GAS7: variants seen among roughly 807,000 people sequenced by gnomAD.
The protein encoded by GAS7 is growth arrest-specific protein 7.
Under a neutral mutation model 71.1 loss-of-function variants are expected in GAS7, and 28 were observed. That is an observed-to-expected ratio of 0.39 (90% CI 0.29 to 0.54). The LOEUF is 0.54. Ranked by LOEUF, GAS7 falls within the 20% of genes least tolerant of loss-of-function variation. The pLI is 0.62. For missense variants in GAS7, 436 were observed against 627.8 expected (o/e 0.69, Z 3.27); for synonymous variants, 258 against 245.8 (o/e 1.05, Z -0.46).
chr17:10,168,736 G>T (rs993129839), intron 1 of GAS7, among the ~76,000 whole-genome samples: 3 of 152,190 alleles, frequency 2.0e-5, no homozygotes, highest in African/African-American at 7.2e-5. Flanking sequence ...ACTTTGGGAG[G>T]CTGAGGCGGG....
chr17:9,925,350 G>C, intron 11 of GAS7, 126 bp downstream of exon 11: 1 of 923,288 alleles, frequency 1.1e-6, no homozygotes. Context: ...GGCAAACAAG[G>C]GAAGTAATTT....
intron 1 of GAS7, among the ~76,000 whole-genome samples, chr17:10,171,074 G>C (rs1385952656): frequency 6.6e-6 from 1 of 152,184 alleles, no homozygotes; most frequent in Non-Finnish European, 1.5e-5. Context: ...AGCTTCACTT[G>C]AGCCGCAAAG....
chr17:9,930,872 A>C (rs1175212209), intron 9 of GAS7, among the ~76,000 whole-genome samples: 1 of 152,236 alleles, frequency 6.6e-6, no homozygotes, highest in African/African-American at 2.4e-5. Context: ...ACTGACCGAC[A>C]GGCTGGAAGC....
chr17:9,920,902 G>T (rs1391744314), intron 11 of GAS7, among the ~76,000 whole-genome samples: 8 of 152,180 alleles, frequency 5.3e-5, no homozygotes, highest in Admixed American at 5.2e-4. Flanking sequence ...TATCATCATT[G>T]TGGCTCATAG....
At position 9,919,743 on chromosome 17, in the gene GAS7, A is replaced by G; in HGVS notation, c.1139-38T>C. ...CACAGTCACCATCATGAAGCATCCTATCCTCACCATGACTCTGTGCCCCAC... is the reference window on the plus strand; with the variant it reads ...CACAGTCACCATCATGAAGCATCCTGTCCTCACCATGACTCTGTGCCCCAC... On this transcript the variant is annotated intron_variant, in intron 11 of 13. Transcript: ENST00000432992. The surrounding 1 kb of genome is among the most constrained non-coding windows in gnomAD (Gnocchi z 5.0). 2 of 1,439,478 alleles carry G rather than the reference A, an allele frequency of 1.4e-6. No homozygotes were observed. The highest frequency in any genetic ancestry group is 1.7e-5 in the Admixed American group (1 of 59,792). 89.2% of individuals were successfully genotyped at this position (1,439,478 alleles called of 1,614,324 possible). A position where few individuals can be genotyped will look rare whatever the true frequency, so the allele number is the denominator to read the frequency against.
chr17:9,946,572 A>G (rs1033515921), intron 6 of GAS7, among the ~76,000 whole-genome samples: 2 of 152,162 alleles, frequency 1.3e-5, no homozygotes, highest in Non-Finnish European at 2.9e-5. Context: ...GCAGGTATGG[A>G]GCCCACGTTC....
chr17:9,967,175 T>C (rs1002560544), intron 4 of GAS7, among the ~76,000 whole-genome samples: 3 of 11,352 alleles, frequency 2.6e-4, no homozygotes, highest in Non-Finnish European at 4.1e-4. Flanking sequence ...TTTGTAGCTT[T>C]TTTTTTTTTT....
At chr17:10,063,854 C>T (rs940413432) in intron 1 of GAS7, among the ~76,000 whole-genome samples, 5 of 152,178 alleles carry the variant, frequency 3.3e-5, no homozygotes, top group East Asian at 3.8e-4. Context: ...TCCCCTTGCA[C>T]GGGTGGTGAG....
chr17:9,915,904 C>G lies in GAS7; in HGVS notation c.*1324G>C, dbSNP rs965776490. 2.6e-5 allele frequency: 6 copies of G among 232,422 alleles called. No individual in the cohort carries two copies. The highest frequency in any genetic ancestry group is 4.4e-5 in the African/African-American group (2 of 45,294). 14.4% of individuals were successfully genotyped at this position (232,422 alleles called of 1,614,324 possible). ...GGAGAAAGTAATGAGCTGGGCCAAACAGCAGCACTGAAAGCTTCCCAAGTC... is the reference window on the plus strand; with the variant it reads ...GGAGAAAGTAATGAGCTGGGCCAAAGAGCAGCACTGAAAGCTTCCCAAGTC... On this transcript the variant is annotated 3_prime_UTR_variant, in exon 14 of 14. Coordinates refer to ENST00000432992, the MANE Select transcript of GAS7 (RefSeq NM_201433.2).
intron 1 of GAS7, among the ~76,000 whole-genome samples, chr17:10,156,618 C>A (rs1237485469): frequency 6.6e-6 from 1 of 152,116 alleles, no homozygotes; most frequent in Non-Finnish European, 1.5e-5. Context: ...CACCCTCTGG[C>A]TACAGTGAAA....
chr17:10,146,780 C>G (rs1472567907), intron 1 of GAS7, among the ~76,000 whole-genome samples: 1 of 152,020 alleles, frequency 6.6e-6, no homozygotes, highest in Non-Finnish European at 1.5e-5. Flanking sequence ...GTCAAGAGAT[C>G]GAGACCATCC....
chr17:9,942,321 A>C (rs1459219004), intron 7 of GAS7, among the ~76,000 whole-genome samples: 2 of 152,048 alleles, frequency 1.3e-5, no homozygotes, highest in Non-Finnish European at 2.9e-5. Context: ...CTCCAGGTGG[A>C]AAGTTGTGTG....
At chr17:10,148,644 G>A (rs1231871075) in intron 1 of GAS7, among the ~76,000 whole-genome samples, 2 of 150,574 alleles carry the variant, frequency 1.3e-5, no homozygotes, top group African/African-American at 2.4e-5. Flanking sequence ...AGGCGCGGTG[G>A]CTCACGCCTG....
At chr17:9,930,846 G>A (rs541817625) in intron 9 of GAS7, among the ~76,000 whole-genome samples, 27 of 152,316 alleles carry the variant, frequency 1.8e-4, no homozygotes, top group Non-Finnish European at 2.9e-4. Context: ...TGCGATGACC[G>A]CTTGAGGCCA....
intron 2 of GAS7, among the ~76,000 whole-genome samples, chr17:9,995,645 T>C (rs2071013696): frequency 6.6e-6 from 1 of 152,174 alleles, no homozygotes; most frequent in Non-Finnish European, 1.5e-5. Flanking sequence ...ACCTCCTTTG[T>C]GACTGATAAC....
rs538628930 is a variant in GAS7 at position 10,018,510 on chromosome 17, G to A, written c.304+1267C>T. 9.2e-5 allele frequency among the ~76,000 whole-genome samples: 14 copies of A among 152,276 alleles called. No homozygotes were observed. The East Asian group carries it at 1.3e-3, about 15-fold the overall frequency. ...CTCTCCTCTGAAATTTCAAGTCTCCGGTAACAGTGCAAAGCTGTTCATGTG... is the reference window on the plus strand; with the variant it reads ...CTCTCCTCTGAAATTTCAAGTCTCCAGTAACAGTGCAAAGCTGTTCATGTG... On this transcript the variant is annotated intron_variant, in intron 2 of 13. Coordinates refer to ENST00000432992, the MANE Select transcript of GAS7 (RefSeq NM_201433.2).
intron 2 of GAS7, among the ~76,000 whole-genome samples, chr17:10,000,819 C>T (rs568858943): frequency 2.3e-4 from 35 of 152,276 alleles, no homozygotes; most frequent in South Asian, 4.1e-4. Flanking sequence ...CTGTCTTCTC[C>T]GTACCTTTCT....
chr17:9,924,534 C>T (rs2067929004), intron 11 of GAS7: 2 of 149,650 alleles, frequency 1.3e-5, no homozygotes, highest in South Asian at 4.3e-4. Context: ...TGTGCCCCCC[C>T]TTCTCTCTAC....
chr17:10,147,114 C>T (rs2074127841), intron 1 of GAS7, among the ~76,000 whole-genome samples: 1 of 152,172 alleles, frequency 6.6e-6, no homozygotes, highest in South Asian at 2.1e-4. Context: ...GCCAAAAGCC[C>T]TCTTCAAATG....
Sources: allele counts gnomAD v4.1 joint callset (sites outside exome capture counted in the v4.1 genomes callset), GRCh38; gene constraint gnomAD v4.1.1; non-coding constraint Gnocchi (gnomAD v3.1); transcripts MANE v1.5; gene names NCBI Gene and HGNC (gene_info 2026-07-23, HGNC 2026-07-21).